CLVS1: variants seen among roughly 807,000 people sequenced by gnomAD.
CLVS1 encodes the protein clavesin 1.
CLVS1 carries 10 observed loss-of-function variants against 33.1 expected under a neutral mutation model. The observed-to-expected ratio is 0.30, with a 90% CI of 0.19 to 0.51. CLVS1 has a LOEUF of 0.51. Ranked by LOEUF, CLVS1 falls within the 20% of genes least tolerant of loss-of-function variation. The pLI is 0.97. For missense variants in CLVS1, 343 were observed against 433.4 expected, an observed-to-expected ratio of 0.79 and a Z score of 1.85; for synonymous variants, 163 against 166.1, an observed-to-expected ratio of 0.98 and a Z score of 0.14.
chr8:61,148,445 C>G (rs1209955333), intron 2 of CLVS1, among the ~76,000 whole-genome samples: 1 of 152,214 alleles, frequency 6.6e-6, no homozygotes, highest in Non-Finnish European at 1.5e-5. Context: ...AAAGTCCACA[C>G]AAGGCTCCTA....
intron 1 of CLVS1, among the ~76,000 whole-genome samples, chr8:61,119,989 C>T (rs1805822070): frequency 6.9e-6 from 1 of 145,266 alleles, no homozygotes; most frequent in African/African-American, 2.6e-5. Context: ...GTTCCATTCT[C>T]CCCATCACTT....
At chr8:61,297,689 A>T (rs1810268148) in intron 1 of CLVS1, among the ~76,000 whole-genome samples, 1 of 152,158 alleles carries the variant, frequency 6.6e-6, no homozygotes, top group South Asian at 2.1e-4. Context: ...GATGTTGTAG[A>T]TGGCAGATCA....
At chr8:61,034,546 T>G in the CLVS1 span, among the ~76,000 whole-genome samples, 1 of 152,132 alleles carries the variant, frequency 6.6e-6, no homozygotes, top group Non-Finnish European at 1.5e-5. Context: ...CCCGAGCCTC[T>G]GTAATCACCA....
the CLVS1 span, among the ~76,000 whole-genome samples, chr8:61,041,779 G>A: frequency 6.6e-6 from 1 of 152,128 alleles, no homozygotes; most frequent in Non-Finnish European, 1.5e-5. Flanking sequence ...AGAGTCTTTA[G>A]GGTTTTCTAG....
intron 2 of CLVS1, among the ~76,000 whole-genome samples, chr8:61,200,118 A>T (rs1807697226): frequency 6.6e-6 from 1 of 152,096 alleles, no homozygotes; most frequent in Non-Finnish European, 1.5e-5. Context: ...ACAAGTGCAC[A>T]TTTATTTTTT....
At chr8:61,393,305 C>A (rs1481101517) in intron 3 of CLVS1, among the ~76,000 whole-genome samples, 2 of 151,790 alleles carry the variant, frequency 1.3e-5, no homozygotes, top group Admixed American at 1.3e-4. Context: ...TCATTCATAT[C>A]CTGTATTTAA....
chr8:61,418,633 TC>T (rs1459916741), intron 3 of CLVS1, among the ~76,000 whole-genome samples: 2 of 152,194 alleles, frequency 1.3e-5, no homozygotes, highest in African/African-American at 4.8e-5. Context: ...TTAGATTTTT[TC>T]CCACTCAATA....
At chr8:61,057,420 C>G (rs1001364323) in intron 1 of CLVS1, among the ~76,000 whole-genome samples, 9 of 148,412 alleles carry the variant, frequency 6.1e-5, no homozygotes, top group Non-Finnish European at 1.0e-4. Flanking sequence ...ACACCCCATC[C>G]AAGGAAAATT....
At chr8:61,151,023 C>T (rs1329103736) in intron 2 of CLVS1, among the ~76,000 whole-genome samples, 1 of 152,162 alleles carries the variant, frequency 6.6e-6, no homozygotes, top group African/African-American at 2.4e-5. Flanking sequence ...CAGTGCACCC[C>T]CAGACTATGT....
intron 2 of CLVS1, among the ~76,000 whole-genome samples, chr8:61,247,449 T>C (rs956144941): frequency 3.3e-5 from 5 of 152,230 alleles, no homozygotes; most frequent in African/African-American, 1.2e-4. Flanking sequence ...CTCTGTAACC[T>C]CATCAGCGTC....
chr8:61,264,624 T>C (rs1465471551), intron 2 of CLVS1: 1 of 152,166 alleles, frequency 6.6e-6, no homozygotes, highest in African/African-American at 2.4e-5. Context: ...TGAATTGCAA[T>C]TGGTTAAGGA....
intron 3 of CLVS1, among the ~76,000 whole-genome samples, chr8:61,428,689 ATTAT>A (rs1815991932): frequency 6.6e-6 from 1 of 152,192 alleles, no homozygotes; most frequent in Admixed American, 6.5e-5. Flanking sequence ...GTCAACCCCC[ATTAT>A]ATGCCAGGGA....
At chr8:61,409,735 G>A (rs188054889) in intron 3 of CLVS1, among the ~76,000 whole-genome samples, 32 of 152,216 alleles carry the variant, frequency 2.1e-4, no homozygotes, top group Admixed American at 5.9e-4. Context: ...GGGACGGTGC[G>A]CTAAAGTATC....
chr8:61,274,515 A>G (rs1809526759), intron 2 of CLVS1, among the ~76,000 whole-genome samples: 1 of 152,108 alleles, frequency 6.6e-6, no homozygotes, highest in Non-Finnish European at 1.5e-5. Flanking sequence ...CATCTTAACC[A>G]AATTCTGATT....
chr8:61,112,132 C>T (rs1805638526), intron 1 of CLVS1, among the ~76,000 whole-genome samples: 1 of 151,740 alleles, frequency 6.6e-6, no homozygotes, highest in Non-Finnish European at 1.5e-5. Flanking sequence ...GATCTGCATT[C>T]CCACCACCTA....
chr8:61,459,296 A>T (rs960398662), intron 5 of CLVS1, among the ~76,000 whole-genome samples: 1 of 152,226 alleles, frequency 6.6e-6, no homozygotes, highest in African/African-American at 2.4e-5. Flanking sequence ...GGGATTAAAA[A>T]GATTGATAAA....
intron 3 of CLVS1, among the ~76,000 whole-genome samples, chr8:61,423,885 G>T (rs1262436309): frequency 1.3e-5 from 2 of 152,204 alleles, no homozygotes; most frequent in Admixed American, 1.3e-4. Context: ...ATGCAAATAT[G>T]AGAATAATAT....
chr8:61,468,716 TAAAA>T (rs5891803), intron 5 of CLVS1, among the ~76,000 whole-genome samples: 2 of 92,484 alleles, frequency 2.2e-5, no homozygotes, highest in Non-Finnish European at 4.0e-5. Context: ...GTAAAAGTAC[TAAAA>T]AAAAAAAAAA....
At chr8:61,295,754 G>A (rs935421109) in intron 1 of CLVS1, among the ~76,000 whole-genome samples, 7 of 152,082 alleles carry the variant, frequency 4.6e-5, no homozygotes, top group Non-Finnish European at 8.8e-5. Context: ...TAGTGTCTGT[G>A]TAATTTGGGG....
Sources: allele counts gnomAD v4.1 joint callset (sites outside exome capture counted in the v4.1 genomes callset), GRCh38; gene constraint gnomAD v4.1.1; transcripts MANE v1.5; gene names NCBI Gene and HGNC (gene_info 2026-07-23, HGNC 2026-07-21).